FKTN: variants seen among roughly 807,000 people sequenced by gnomAD.
FKTN encodes the protein fukutin, also known as ribitol-5-phosphate transferase FKTN.
FKTN carries 47 observed loss-of-function variants against 58.6 expected under a neutral mutation model. The ratio of observed to expected loss-of-function variants is 0.80; its 90% CI spans 0.63 to 1.02. The LOEUF (loss-of-function observed/expected upper bound fraction) is 1.02. Among genes scored for constraint, FKTN ranks in the 50% least tolerant of loss-of-function variants. The probability of loss-of-function intolerance (pLI) is 0.00; values close to 1 mark genes in which losing one functional copy is unlikely to be tolerated. For synonymous variants in FKTN, 178 were observed against 191.9 expected (o/e 0.93, Z 0.60); for missense variants, 516 against 537.3 (o/e 0.96, Z 0.39).
intron 8 of FKTN, among the ~76,000 whole-genome samples, chr9:105,616,516 G>T (rs117074202): frequency 0.01 from 1,544 of 152,184 alleles, 14 homozygotes; most frequent in Non-Finnish European, 0.015. Flanking sequence ...TGATTTCTGG[G>T]TCTCTGTCCA....
chr9:105,633,354 AG>A (rs775816741), intron 10 of FKTN: 2 of 152,014 alleles, frequency 1.3e-5, no homozygotes, highest in Non-Finnish European at 2.9e-5. Flanking sequence ...TCCCTCTTTC[AG>A]CTTTTTGATG....
intron 3 of FKTN, among the ~76,000 whole-genome samples, chr9:105,589,812 C>T (rs1430715682): frequency 6.6e-6 from 1 of 152,066 alleles, no homozygotes; most frequent in Non-Finnish European, 1.5e-5. Context: ...GTGAAGCATA[C>T]TAGGTAGAAA....
intron 3 of FKTN, among the ~76,000 whole-genome samples, chr9:105,585,858 C>T (rs561742572): frequency 1.8e-4 from 27 of 152,248 alleles, no homozygotes; most frequent in Middle Eastern, 6.8e-3. Context: ...TATAGGTTAG[C>T]GTCATCAACA....
chr9:105,574,903 A>C (rs1841391535), intron 2 of FKTN, 42 bp from the exon 3 acceptor site: 1 of 681,328 alleles, frequency 1.5e-6, no homozygotes, highest in Non-Finnish European at 2.7e-6. Flanking sequence ...TACAAAATTA[A>C]AGAGGTTTTT....
intron 10 of FKTN, among the ~76,000 whole-genome samples, chr9:105,627,034 GT>G (rs1832828582): frequency 6.8e-6 from 1 of 146,518 alleles, no homozygotes; most frequent in Non-Finnish European, 1.5e-5. Flanking sequence ...GTGCAGTGGT[GT>G]GATCTTGGCT....
chr9:105,589,501 CA>C (rs981990158), intron 3 of FKTN, among the ~76,000 whole-genome samples: 43 of 128,040 alleles, frequency 3.4e-4, no homozygotes, highest in African/African-American at 1.2e-3. Context: ...GACTCCATCT[CA>C]AAAAAAAACT....
In FKTN at chr9:105,604,291, G is replaced by C; in HGVS notation, c.446G>C (p.Gly149Ala). The part of the protein sequence containing the change: ...KIESKDPRLD[G>A]IDSLSGTEIP... ...GAGAGTAAAGATCCCCGGCTAGACG[G>C]GATAGACTCACTCTCTGGAACTGAA... Residue 149 changes from glycine to alanine, a missense_variant, in exon 6 of 11, where the codon GGG becomes GCG. Transcript: ENST00000357998. 1 of 1,613,694 alleles carries C rather than the reference G, an allele frequency of 6.2e-7. No individual in the cohort carries two copies. Among genetic ancestry groups the C allele is most frequent in the African/African-American group, 1.3e-5 (1 of 75,012 alleles).
intron 10 of FKTN, among the ~76,000 whole-genome samples, chr9:105,621,808 A>G (rs539880872): frequency 1.2e-4 from 18 of 152,156 alleles, no homozygotes; most frequent in Admixed American, 1.1e-3. Context: ...AATTTATTCA[A>G]CCAATTCCCT....
At position 105,637,509 on chromosome 9, in the gene FKTN, G is replaced by C. The variant is rs1031873150; in HGVS notation, c.*2245G>C. 3 of 985,302 alleles carry C rather than the reference G, an allele frequency of 3.0e-6. No individual in the cohort carries two copies. The highest frequency in any genetic ancestry group is 1.2e-4 in the Admixed American group (2 of 16,244). 61.0% of individuals were successfully genotyped at this position (985,302 alleles called of 1,614,324 possible). A position where few individuals can be genotyped will look rare whatever the true frequency, so the allele number is the denominator to read the frequency against. On this transcript the variant is annotated 3_prime_UTR_variant, in exon 11 of 11. Transcript: ENST00000357998. ...GAAGGCCAGGCTTACCTCTGATTCTGATTCATCCATACTTCATCTTATGTA... is the reference window on the plus strand; with the variant it reads ...GAAGGCCAGGCTTACCTCTGATTCTCATTCATCCATACTTCATCTTATGTA...
intron 3 of FKTN, among the ~76,000 whole-genome samples, chr9:105,587,570 G>T (rs574870764): frequency 2.6e-5 from 4 of 152,240 alleles, no homozygotes; most frequent in African/African-American, 9.6e-5. Flanking sequence ...TCTGGAGGAA[G>T]AATATTATAT....
intron 3 of FKTN, among the ~76,000 whole-genome samples, chr9:105,580,382 C>T (rs1169421285): frequency 6.6e-6 from 1 of 150,590 alleles, no homozygotes; most frequent in Non-Finnish European, 1.5e-5. Context: ...AATCTCTCAG[C>T]ATTTGCTTGT....
At chr9:105,627,058 C>T (rs1009896787) in intron 10 of FKTN, among the ~76,000 whole-genome samples, 1 of 151,096 alleles carries the variant, frequency 6.6e-6, no homozygotes, top group African/African-American at 2.4e-5. Flanking sequence ...CTGCAACCTC[C>T]ACCTCCCAGG....
chr9:105,612,624 C>T (rs947314658), intron 7 of FKTN, among the ~76,000 whole-genome samples: 9 of 152,080 alleles, frequency 5.9e-5, no homozygotes, highest in Non-Finnish European at 7.4e-5. Flanking sequence ...AGGTATATAG[C>T]TCTATGCATG....
chr9:105,634,881 G>A (rs1833897136), intron 10 of FKTN, among the ~76,000 whole-genome samples, 170 bp from the exon 11 acceptor site: 1 of 152,138 alleles, frequency 6.6e-6, no homozygotes, highest in East Asian at 1.9e-4. Flanking sequence ...AAGGAAAATT[G>A]GAGAAGAGGA....
chr9:105,622,773 T>C lies in FKTN; in HGVS notation c.1172+2712T>C, dbSNP rs533520728. On this transcript the variant is annotated intron_variant, in intron 10 of 10. Coordinates refer to ENST00000357998, the MANE Select transcript of FKTN (RefSeq NM_001079802.2). ...AGTACCTGGCACATTGTAAGTATTG[T>C]GTAAGTAGTAGCTACTGTCAGTACT... is the stretch of plus-strand genomic sequence containing the variant. 8.5e-5 allele frequency among the ~76,000 whole-genome samples: 13 copies of C among 152,212 alleles called. 1 individual carries two copies. Among genetic ancestry groups the C allele is most frequent in the African/African-American group, 3.1e-4 (13 of 41,560 alleles).
At chr9:105,573,054 G>A (rs1841032895) in intron 1 of FKTN, among the ~76,000 whole-genome samples, 1 of 152,030 alleles carries the variant, frequency 6.6e-6, no homozygotes, top group Non-Finnish European at 1.5e-5. Flanking sequence ...GACCACCACA[G>A]AAAAACCCCG....
At chr9:105,566,836 TAAC>T (rs747338041) in intron 1 of FKTN, among the ~76,000 whole-genome samples, 2 of 151,216 alleles carry the variant, frequency 1.3e-5, no homozygotes, top group Admixed American at 6.6e-5. Flanking sequence ...GGCAGAGACA[TAAC>T]AAAAAAAGAG....
intron 1 of FKTN, among the ~76,000 whole-genome samples, chr9:105,563,360 TC>T (rs2131692906): frequency 6.6e-6 from 1 of 151,198 alleles, no homozygotes; most frequent in South Asian, 2.1e-4. Flanking sequence ...AGGCATCACC[TC>T]ACCCGGGAAG....
intron 1 of FKTN, among the ~76,000 whole-genome samples, chr9:105,558,757 A>G (rs1487301203): frequency 6.6e-6 from 1 of 152,204 alleles, no homozygotes; most frequent in Non-Finnish European, 1.5e-5. Flanking sequence ...AGAGCAGTAT[A>G]TTAGAAATTG....
Sources: allele counts gnomAD v4.1 joint callset (sites outside exome capture counted in the v4.1 genomes callset), GRCh38; gene constraint gnomAD v4.1.1; transcripts MANE v1.5; gene names NCBI Gene and HGNC (gene_info 2026-07-23, HGNC 2026-07-21).